DMD: variants seen among roughly 807,000 people sequenced by gnomAD.
The protein encoded by DMD is dystrophin.
A neutral mutation model predicts 330.1 loss-of-function variants in DMD; 63 were observed. That is an observed-to-expected ratio of 0.19 (90% CI 0.16 to 0.24). The LOEUF (loss-of-function observed/expected upper bound fraction) is 0.24, where lower values mean the gene tolerates loss of function less well. DMD is among the 10% of genes least tolerant of loss of function. DMD has a pLI of 1.00. For missense variants in DMD, 3,344 were observed against 2,684.1 expected, an observed-to-expected ratio of 1.25 and a Z score of -5.43; for synonymous variants, 1,223 against 959.8, an observed-to-expected ratio of 1.27 and a Z score of -5.07.
chrX:31,706,944 C>A (rs2084244480), intron 52 of DMD, among the ~76,000 whole-genome samples: 1 of 112,020 alleles, frequency 8.9e-6, no homozygotes, highest in Non-Finnish European at 1.9e-5. Flanking sequence ...TTGAGACAGG[C>A]ATTAGCAAGA....
At chrX:33,272,576 G>A (rs570969470) in intron 1 of DMD, among the ~76,000 whole-genome samples, 1 of 110,547 alleles carries the variant, frequency 9.0e-6, no homozygotes, top group Admixed American at 9.6e-5. Flanking sequence ...TTTCTCAAGA[G>A]TCATGGTTGA....
intron 62 of DMD, among the ~76,000 whole-genome samples, chrX:31,286,017 GA>G (rs755955384): frequency 6.8e-4 from 76 of 112,141 alleles, no homozygotes; most frequent in Middle Eastern, 9.3e-3. Flanking sequence ...TTAGCCTTTA[GA>G]AGCATAAGCT....
chrX:32,082,391 G>GCTAT (rs74475298), intron 44 of DMD, among the ~76,000 whole-genome samples: 36,489 of 95,075 alleles, frequency 0.38, 6,341 homozygotes, highest in East Asian at 0.44. Flanking sequence ...ACCTCGCCCG[G>GCTAT]CTATCTATCT....
chrX:31,536,854 CCTCT>C (rs1312039755), intron 55 of DMD, among the ~76,000 whole-genome samples: 1 of 111,316 alleles, frequency 9.0e-6, no homozygotes, highest in Non-Finnish European at 1.9e-5. Context: ...TCAACCTCTC[CCTCT>C]CTACCATCTT....
At chrX:31,834,566 AGTAGCTGGGATTACAG>A (rs1350694177) in intron 49 of DMD, among the ~76,000 whole-genome samples, 1 of 111,359 alleles carries the variant, frequency 9.0e-6, no homozygotes, top group Non-Finnish European at 1.9e-5. Context: ...CAGCCTCCCA[AGTAGCTGGGATTACAG>A]GCGCCTGCCA....
At chrX:31,158,962 C>T (rs1280356926) in intron 74 of DMD, among the ~76,000 whole-genome samples, 2 of 111,616 alleles carry the variant, frequency 1.8e-5, no homozygotes, top group Non-Finnish European at 3.8e-5. Flanking sequence ...TGGAAAATGA[C>T]ATCACAAACT....
intron 1 of DMD, among the ~76,000 whole-genome samples, chrX:33,235,990 A>G (rs2052472814): frequency 9.7e-6 from 1 of 103,575 alleles, no homozygotes; most frequent in South Asian, 4.4e-4. Flanking sequence ...ATCTCGGCTC[A>G]CTGCAAGCTC....
At position 32,331,949 on chromosome X, in the gene DMD, A is replaced by G. The variant is rs190958717; in HGVS notation, c.5922+10151T>C. Among the ~76,000 whole-genome samples the G allele has an allele frequency of 6.2e-3, 691 of 111,710 alleles. 4 individuals carry two copies. Among genetic ancestry groups the G allele is most frequent in the South Asian group, 0.055 (147 of 2,680 alleles). On this transcript the variant is annotated intron_variant, in intron 41 of 78. Coordinates refer to ENST00000357033, the MANE Select transcript of DMD (RefSeq NM_004006.3). ...AAAACACAAAATCCTATGTTCATAT[A>G]GTTTCTTACTACCCTTGATGAATTC...
chrX:32,555,375 T>C (rs778380142), intron 16 of DMD, among the ~76,000 whole-genome samples: 145 of 111,659 alleles, frequency 1.3e-3, no homozygotes, highest in Non-Finnish European at 2.0e-3. Flanking sequence ...CCCTGAAAAC[T>C]GGCCCAAGAT....
intron 38 of DMD, among the ~76,000 whole-genome samples, chrX:32,347,882 C>T (rs1238338485): frequency 8.9e-6 from 1 of 111,737 alleles, no homozygotes; most frequent in Non-Finnish European, 1.9e-5. Flanking sequence ...TATTTCTTTA[C>T]TCCCATGAAA....
At chrX:32,721,735 G>C (rs59602973) in intron 7 of DMD, among the ~76,000 whole-genome samples, 1 of 110,790 alleles carries the variant, frequency 9.0e-6, no homozygotes, top group Non-Finnish European at 1.9e-5. Context: ...CTGAAATTTT[G>C]ATGTGATATT....
intron 18 of DMD, among the ~76,000 whole-genome samples, chrX:32,509,305 C>T (rs1301875722): frequency 9.1e-6 from 1 of 110,334 alleles, no homozygotes; most frequent in African/African-American, 3.3e-5. Context: ...CTTCTGTTTT[C>T]AGGTAGGTTG....
chrX:32,963,862 T>G (rs376569005), intron 2 of DMD, among the ~76,000 whole-genome samples: 2 of 111,632 alleles, frequency 1.8e-5, no homozygotes, highest in East Asian at 5.6e-4. Flanking sequence ...AAGATCATAA[T>G]ACAGAAGGTG....
intron 30 of DMD, among the ~76,000 whole-genome samples, chrX:32,402,731 T>G (rs1301028614): frequency 9.0e-6 from 1 of 111,642 alleles, no homozygotes; most frequent in Non-Finnish European, 1.9e-5. Flanking sequence ...TTCAAAGTAT[T>G]TTGGAAAGGT....
intron 16 of DMD, among the ~76,000 whole-genome samples, chrX:32,552,452 C>A (rs2049679862): frequency 8.9e-6 from 1 of 111,800 alleles, no homozygotes; most frequent in Non-Finnish European, 1.9e-5. Flanking sequence ...AAATCTAAAA[C>A]CAACAACTAT....
At chrX:32,430,016 A>C (rs1175973993) in intron 29 of DMD, among the ~76,000 whole-genome samples, 1 of 110,914 alleles carries the variant, frequency 9.0e-6, no homozygotes, top group Non-Finnish European at 1.9e-5. Flanking sequence ...GTAAAATTTC[A>C]CTTTTTTTTC....
intron 37 of DMD, among the ~76,000 whole-genome samples, chrX:32,362,088 G>A (rs187070841): frequency 7.7e-4 from 86 of 111,177 alleles, no homozygotes; most frequent in African/African-American, 2.2e-3. Flanking sequence ...AGTCTATCAC[G>A]CAAAAGTTCC....
At chrX:32,408,058 G>T (rs1411433635) in intron 30 of DMD, among the ~76,000 whole-genome samples, 1 of 109,554 alleles carries the variant, frequency 9.1e-6, no homozygotes, top group Non-Finnish European at 1.9e-5. Context: ...CACCAACATG[G>T]CACATGTATA....
At chrX:32,573,939 T>G in intron 13 of DMD, 93 bp from the exon 14 acceptor site, 1 of 690,910 alleles carries the variant, frequency 1.4e-6, no homozygotes, top group South Asian at 2.3e-5. Context: ...AGTATCTCAG[T>G]CTCCTATGTA....
Sources: allele counts gnomAD v4.1 joint callset (sites outside exome capture counted in the v4.1 genomes callset), GRCh38; gene constraint gnomAD v4.1.1; transcripts MANE v1.5; gene names NCBI Gene and HGNC (gene_info 2026-07-23, HGNC 2026-07-21).